The following KCTD9 variants were observed in gnomAD, a reference collection of about 807,000 sequenced individuals.
KCTD9 encodes BTB/POZ domain-containing protein KCTD9.
In KCTD9, 17 loss-of-function variants were observed where a neutral mutation model predicts 53.3. The observed-to-expected ratio is 0.32, with a 90% CI of 0.22 to 0.48. The LOEUF (loss-of-function observed/expected upper bound fraction) is 0.48, where lower values mean the gene tolerates loss of function less well. KCTD9 is among the 20% of genes least tolerant of loss of function. The pLI, the probability that KCTD9 is intolerant of heterozygous loss-of-function variation, is 0.99. For synonymous variants in KCTD9, 128 were observed against 162.7 expected (o/e 0.79, Z 1.62); for missense variants, 179 against 465.5 (o/e 0.38, Z 5.66).
chr8:25,433,229 C>G, intron 10 of KCTD9, 101 bp downstream of exon 10: 2 of 580,612 alleles, frequency 3.4e-6, no homozygotes, highest in Non-Finnish European at 6.0e-6. Context: ...AACCTATCCC[C>G]TACAGCTATC....
chr8:25,457,313 A>C (rs1279813341), intron 1 of KCTD9: 1 of 975,632 alleles, frequency 1.0e-6, no homozygotes, highest in East Asian at 1.1e-4. Context: ...TAGACTCGTA[A>C]AGGCTGAGTT....
intron 3 of KCTD9, among the ~76,000 whole-genome samples, chr8:25,441,975 G>A (rs1450414211): frequency 1.3e-5 from 2 of 152,078 alleles, no homozygotes; most frequent in Admixed American, 1.3e-4. Context: ...CTGCACTACA[G>A]CCTGAGTGAT....
At chr8:25,450,328 C>G (rs1354033545) in intron 1 of KCTD9, 18 of 985,228 alleles carry the variant, frequency 1.8e-5, no homozygotes, top group Non-Finnish European at 2.0e-5. Context: ...TAAAGAAGTA[C>G]ATTCCTGAGC....
chr8:25,436,387 G>C (rs776620194), intron 7 of KCTD9, 31 bp downstream of exon 7: 1 of 1,598,518 alleles, frequency 6.3e-7, no homozygotes, highest in East Asian at 2.2e-5. Flanking sequence ...TACAATGAAT[G>C]TAACACTGGC....
intron 3 of KCTD9, among the ~76,000 whole-genome samples, chr8:25,441,899 G>A (rs1436109345): frequency 2.6e-5 from 4 of 152,126 alleles, no homozygotes; most frequent in Admixed American, 6.6e-5. Flanking sequence ...CTCCTGGTTG[G>A]GGGCTGAGGC....
intron 11 of KCTD9, among the ~76,000 whole-genome samples, chr8:25,430,250 A>C (rs1178842555): frequency 6.7e-6 from 1 of 149,594 alleles, no homozygotes; most frequent in East Asian, 1.9e-4. Context: ...GGAGACATTG[A>C]AAACAGGGGT....
At chr8:25,449,533 G>A (rs555454499) in intron 1 of KCTD9, among the ~76,000 whole-genome samples, 23 of 151,306 alleles carry the variant, frequency 1.5e-4, no homozygotes, top group Admixed American at 7.3e-4. Context: ...TTGAATTGTC[G>A]TCTACTTCCA....
At chr8:25,457,132 C>T (rs1802457603) in intron 1 of KCTD9, among the ~76,000 whole-genome samples, 1 of 152,088 alleles carries the variant, frequency 6.6e-6, no homozygotes, top group African/African-American at 2.4e-5. Flanking sequence ...GCCAACAAAC[C>T]ACACTCTGGT....
intron 1 of KCTD9, chr8:25,450,279 G>A: frequency 1.0e-6 from 1 of 964,034 alleles, no homozygotes; most frequent in Non-Finnish European, 1.2e-6. Context: ...TGTGAATAGA[G>A]GTGACCAATT....
At chr8:25,438,275 T>C (rs115922459) in intron 6 of KCTD9, among the ~76,000 whole-genome samples, 485 of 150,190 alleles carry the variant, frequency 3.2e-3, no homozygotes, top group African/African-American at 0.011. Flanking sequence ...TATAAAGTTA[T>C]AGAACTAGCT....
intron 1 of KCTD9, among the ~76,000 whole-genome samples, chr8:25,451,116 C>T (rs1204507402): frequency 6.6e-6 from 1 of 152,192 alleles, no homozygotes; most frequent in African/African-American, 2.4e-5. Flanking sequence ...TGTTTTCCAA[C>T]TAATCATTCG....
intron 9 of KCTD9, 49 bp from the exon 10 acceptor site, chr8:25,433,484 C>A: frequency 9.9e-7 from 1 of 1,007,472 alleles, no homozygotes; most frequent in Non-Finnish European, 1.5e-6. Flanking sequence ...TAATTTTGTT[C>A]AAATTAGCTC....
chr8:25,451,399 T>C (rs1228682762), intron 1 of KCTD9: 2 of 152,200 alleles, frequency 1.3e-5, no homozygotes, highest in Non-Finnish European at 2.9e-5. Context: ...TAGTATATAC[T>C]AAGATTGTTT....
At chr8:25,441,825 C>T (rs1802128391) in intron 3 of KCTD9, among the ~76,000 whole-genome samples, 1 of 151,978 alleles carries the variant, frequency 6.6e-6, no homozygotes, top group Non-Finnish European at 1.5e-5. Context: ...AACCCCAAAA[C>T]CCCATCTCTA....
chr8:25,444,524 C>T (rs1452612827), intron 2 of KCTD9, among the ~76,000 whole-genome samples, 189 bp from the exon 3 acceptor site: 1 of 151,866 alleles, frequency 6.6e-6, no homozygotes, highest in Non-Finnish European at 1.5e-5. Flanking sequence ...AATTTAAATT[C>T]AAAAATAAGA....
rs754318299 is a variant in KCTD9, at chr8:25,458,264, G to A, written c.-18C>T. 1.9e-6 allele frequency: 3 copies of A among 1,610,000 alleles called. No individual in the cohort carries two copies. The highest frequency in any genetic ancestry group is 2.5e-6 in the Non-Finnish European group (3 of 1,179,344). On this transcript the variant is annotated 5_prime_UTR_variant, in exon 1 of 12. Transcript: ENST00000221200. The stretch of plus-strand genomic sequence containing the variant: ...CGCCTCATCGCGCTGCCCCCGCTGG[G>A]TCCTGAGTGAGCCGCCACCCTCCCA...
chr8:25,446,544 A>G (rs185170991), intron 1 of KCTD9, among the ~76,000 whole-genome samples: 22 of 152,338 alleles, frequency 1.4e-4, no homozygotes, highest in African/African-American at 4.8e-4. Flanking sequence ...ACTTCGATCT[A>G]GAGTCTGACA....
At chr8:25,444,669 CT>C (rs1417067431) in intron 2 of KCTD9, among the ~76,000 whole-genome samples, 5 of 152,084 alleles carry the variant, frequency 3.3e-5, no homozygotes, top group African/African-American at 1.2e-4. Context: ...GCCAACTATT[CT>C]TTTTTTCTTT....
chr8:25,444,476 C>A, intron 2 of KCTD9, 141 bp from the exon 3 acceptor site: 1 of 705,646 alleles, frequency 1.4e-6, no homozygotes, highest in Non-Finnish European at 2.3e-6. Flanking sequence ...GCTAAGTTTC[C>A]AATGCTTTGT....
Sources: gnomAD v4.1 joint callset for allele counts (sites outside exome capture counted in the v4.1 genomes callset) on GRCh38, gnomAD v4.1.1 for gene constraint, MANE v1.5 for transcripts, NCBI Gene and HGNC (gene_info 2026-07-23, HGNC 2026-07-21) for gene names.